The following PPP4R3B variants were observed in gnomAD, a reference collection of about 807,000 sequenced individuals.
The protein encoded by PPP4R3B is serine/threonine-protein phosphatase 4 regulatory subunit 3B.
PPP4R3B carries 52 observed loss-of-function variants against 95.4 expected under a neutral mutation model. That is an observed-to-expected ratio of 0.54 (90% CI 0.44 to 0.69). The LOEUF (loss-of-function observed/expected upper bound fraction) is 0.69. Ranked by LOEUF, PPP4R3B falls within the 30% of genes least tolerant of loss-of-function variation. The probability of loss-of-function intolerance (pLI) is 0.00; values close to 1 mark genes in which losing one functional copy is unlikely to be tolerated. For synonymous variants in PPP4R3B, 407 were observed against 343.9 expected (o/e 1.18, Z -2.03); for missense variants, 1,003 against 1,005.9 (o/e 1.00, Z 0.04).
Position 55,609,998 on chromosome 2 carries a change from T to A in PPP4R3B, c.198+5453A>T, listed in dbSNP as rs187284964. 6.7e-4 allele frequency among the ~76,000 whole-genome samples: 102 copies of A among 152,026 alleles called. No individual in the cohort carries two copies. The East Asian group carries it at 0.015, about 22-fold the overall frequency. ...CTAATATATTACACACTAAAAAAAATTTTTTTTAATAAGCCTCAAACCAAA... is the reference window on the plus strand; with the variant it reads ...CTAATATATTACACACTAAAAAAAAATTTTTTTAATAAGCCTCAAACCAAA... On this transcript the variant is annotated intron_variant, in intron 2 of 16. Coordinates refer to ENST00000616407, the MANE Select transcript of PPP4R3B (RefSeq NM_001122964.3).
chr2:55,601,802 A>T (rs1055748973), intron 3 of PPP4R3B, among the ~76,000 whole-genome samples: 7 of 152,242 alleles, frequency 4.6e-5, no homozygotes, highest in Non-Finnish European at 1.0e-4. Flanking sequence ...TTGTTGATCC[A>T]GCTATCTTAT....
At chr2:55,565,239 T>C (rs1687131078) in intron 13 of PPP4R3B, among the ~76,000 whole-genome samples, 198 bp from the exon 14 acceptor site, 1 of 152,074 alleles carries the variant, frequency 6.6e-6, no homozygotes, top group African/African-American at 2.4e-5. Context: ...AGCAATTTAC[T>C]GGAGTCCTTT....
chr2:55,563,167 G>C (rs1375175531), intron 15 of PPP4R3B, among the ~76,000 whole-genome samples: 1 of 152,128 alleles, frequency 6.6e-6, no homozygotes, highest in Non-Finnish European at 1.5e-5. Context: ...CGATTTCTTA[G>C]GATATTTTAA....
chr2:55,554,849 T>C (rs1685639476), intron 16 of PPP4R3B, among the ~76,000 whole-genome samples: 2 of 152,216 alleles, frequency 1.3e-5, no homozygotes, highest in Non-Finnish European at 2.9e-5. Flanking sequence ...TATGCCTTTT[T>C]TTAAAAAAGA....
At chr2:55,575,232 G>A (rs1213358670) in intron 11 of PPP4R3B, among the ~76,000 whole-genome samples, 3 of 151,950 alleles carry the variant, frequency 2.0e-5, no homozygotes, top group Non-Finnish European at 4.4e-5. Flanking sequence ...GAGCCACCAC[G>A]CCCGGCCTAT....
chr2:55,576,591 A>T (rs1024151647), intron 11 of PPP4R3B, among the ~76,000 whole-genome samples: 18 of 150,700 alleles, frequency 1.2e-4, no homozygotes, highest in African/African-American at 4.2e-4. Flanking sequence ...AAATACAAAA[A>T]ATCGGGAGGC....
intron 11 of PPP4R3B, among the ~76,000 whole-genome samples, chr2:55,574,962 G>C (rs1332033402): frequency 1.5e-5 from 2 of 136,600 alleles, no homozygotes; most frequent in Non-Finnish European, 3.1e-5. Flanking sequence ...TTTTGAGACG[G>C]AGTCTCACTC....
At chr2:55,602,617 A>T (rs921088977) in intron 3 of PPP4R3B, among the ~76,000 whole-genome samples, 1 of 152,160 alleles carries the variant, frequency 6.6e-6, no homozygotes, top group Non-Finnish European at 1.5e-5. Flanking sequence ...CTGGACACGA[A>T]GGTTTGGGTA....
intron 13 of PPP4R3B, among the ~76,000 whole-genome samples, chr2:55,565,321 T>TAC (rs1687151412): frequency 1.3e-5 from 2 of 151,162 alleles, no homozygotes; most frequent in Admixed American, 1.3e-4. Flanking sequence ...TATATATATA[T>TAC]ATATATATAG....
In PPP4R3B at chr2:55,617,587, C is replaced by T; in HGVS notation, c.-302G>A. ...CGCCGCGGTAACTACTACAGATCCG[C>T]CATCTTGTAACCCGACTCTCTCTGC... On this transcript the variant is annotated 5_prime_UTR_variant, in exon 1 of 17. Coordinates refer to ENST00000616407, the MANE Select transcript of PPP4R3B (RefSeq NM_001122964.3). 3.4e-6 allele frequency: 1 copy of T among 290,650 alleles called. No homozygotes were observed. The highest frequency in any genetic ancestry group is 8.1e-5 in the South Asian group (1 of 12,344). The allele number at this position is 290,650 out of a possible 1,614,324, so 18.0% of individuals were successfully genotyped here. A position where few individuals can be genotyped will look rare whatever the true frequency, so the allele number is the denominator to read the frequency against.
chr2:55,608,952 G>C (rs1283414368), intron 2 of PPP4R3B, among the ~76,000 whole-genome samples: 1 of 152,058 alleles, frequency 6.6e-6, no homozygotes, highest in South Asian at 2.1e-4. Context: ...CGTGCTTTTG[G>C]CTGGGAGACA....
chr2:55,587,285 C>A (rs957466366), intron 5 of PPP4R3B, among the ~76,000 whole-genome samples: 4 of 152,234 alleles, frequency 2.6e-5, no homozygotes, highest in African/African-American at 9.6e-5. Context: ...CCAGGATACT[C>A]TGAAATGATG....
intron 2 of PPP4R3B, among the ~76,000 whole-genome samples, chr2:55,613,195 T>C (rs371148269): frequency 2.4e-4 from 37 of 152,236 alleles, no homozygotes; most frequent in African/African-American, 8.4e-4. Flanking sequence ...AAGTTTAACA[T>C]AACCCCTAAA....
chr2:55,588,067 T>C lies in PPP4R3B; in HGVS notation c.999+812A>G, dbSNP rs140109030. ...TTATGTTTGAAAAAAATGTCAAACA[T>C]CTGGCAAACGGCAATCACAATCACT... On this transcript the variant is annotated intron_variant, in intron 5 of 16. Transcript: ENST00000616407. 3.3e-3 allele frequency among the ~76,000 whole-genome samples: 505 copies of C among 152,270 alleles called. 2 individuals carry two copies. Among genetic ancestry groups the C allele is most frequent in the African/African-American group, 0.012 (488 of 41,550 alleles).
chr2:55,570,280 T>C lies in PPP4R3B; in HGVS notation c.1766-1917A>G, dbSNP rs373830162. 6.2e-4 allele frequency among the ~76,000 whole-genome samples: 94 copies of C among 152,256 alleles called. 1 individual carries two copies. The highest frequency in any genetic ancestry group is 2.1e-3 in the African/African-American group (87 of 41,538). ...ACAAACAATTTGTGAACCAATCCTA[T>C]CTCCGTATTATAATTACATCATTCT... On this transcript the variant is annotated intron_variant, in intron 12 of 16. Transcript: ENST00000616407.
intron 3 of PPP4R3B, among the ~76,000 whole-genome samples, chr2:55,603,505 A>T (rs552019114): frequency 6.6e-6 from 1 of 152,156 alleles, no homozygotes; most frequent in South Asian, 2.1e-4. Context: ...GGTTTCTTTT[A>T]AAAAAATTCT....
At chr2:55,581,461 A>T (rs1256952289) in intron 8 of PPP4R3B, 106 bp downstream of exon 8, 1 of 1,219,866 alleles carries the variant, frequency 8.2e-7, no homozygotes. Context: ...TGCTACTTAA[A>T]TACCAACTGG....
intron 12 of PPP4R3B, among the ~76,000 whole-genome samples, chr2:55,568,806 C>A (rs1479661439): frequency 6.6e-6 from 1 of 152,134 alleles, no homozygotes; most frequent in African/African-American, 2.4e-5. Flanking sequence ...AAGGTGGGCA[C>A]AGGAGTGGGC....
intron 7 of PPP4R3B, among the ~76,000 whole-genome samples, chr2:55,582,936 T>C (rs1689628350): frequency 6.6e-6 from 1 of 152,142 alleles, no homozygotes; most frequent in African/African-American, 2.4e-5. Flanking sequence ...ATCTGTGGCA[T>C]AAAAAGATGA....
Sources: allele counts gnomAD v4.1 joint callset (sites outside exome capture counted in the v4.1 genomes callset), GRCh38; gene constraint gnomAD v4.1.1; transcripts MANE v1.5; gene names NCBI Gene and HGNC (gene_info 2026-07-23, HGNC 2026-07-21).